The following KLHL3 variants were observed in gnomAD, a reference collection of about 807,000 sequenced individuals.
KLHL3 encodes kelch-like protein 3.
A neutral mutation model predicts 70.5 loss-of-function variants in KLHL3; 19 were observed. That is an observed-to-expected ratio of 0.27 (90% CI 0.19 to 0.40). KLHL3 has a LOEUF of 0.40. Ranked by LOEUF, KLHL3 falls within the 10% of genes least tolerant of loss-of-function variation. The probability of loss-of-function intolerance (pLI) is 1.00; values close to 1 mark genes in which losing one functional copy is unlikely to be tolerated. For missense variants in KLHL3, 512 were observed against 771.1 expected (o/e 0.66, Z 3.98); for synonymous variants, 258 against 290.3 (o/e 0.89, Z 1.13).
chr5:137,701,054 T>A (rs2949464), intron 3 of KLHL3, among the ~76,000 whole-genome samples: 1 of 151,548 alleles, frequency 6.6e-6, no homozygotes, highest in East Asian at 1.9e-4. Flanking sequence ...TTTTTCGAGA[T>A]GGAGTTTTGC....
intron 13 of KLHL3, among the ~76,000 whole-genome samples, chr5:137,627,892 T>C (rs983803817): frequency 6.6e-6 from 1 of 152,216 alleles, no homozygotes; most frequent in Non-Finnish European, 1.5e-5. Context: ...GAAGTTCTCC[T>C]AGCCAGGCAC....
chr5:137,729,177 A>C (rs530870004), intron 1 of KLHL3, among the ~76,000 whole-genome samples: 80 of 152,296 alleles, frequency 5.3e-4, no homozygotes, highest in African/African-American at 1.6e-3. Context: ...CAAGAGGCCC[A>C]AGCACATTAT....
At chr5:137,708,037 G>T (rs1284549787) in intron 3 of KLHL3, among the ~76,000 whole-genome samples, 1 of 151,682 alleles carries the variant, frequency 6.6e-6, no homozygotes, top group Non-Finnish European at 1.5e-5. Context: ...AAGGAAAGGG[G>T]GAAAAAAGGA....
chr5:137,702,106 C>A (rs939401102), intron 3 of KLHL3, among the ~76,000 whole-genome samples: 13 of 152,206 alleles, frequency 8.5e-5, no homozygotes, highest in Non-Finnish European at 1.8e-4. Flanking sequence ...CAGCCCTGCC[C>A]TCATGGAGCT....
At chr5:137,681,033 C>A (rs567720973) in intron 5 of KLHL3, among the ~76,000 whole-genome samples, 1 of 152,204 alleles carries the variant, frequency 6.6e-6, no homozygotes, top group South Asian at 2.1e-4. Flanking sequence ...GTTAAGACAT[C>A]CTTTGGGACT....
At position 137,625,766 on chromosome 5, in the gene KLHL3, C is replaced by T. The variant is rs1439338389; in HGVS notation, c.1722G>A (p.Gly574=). The T allele has an allele frequency of 8.1e-6, 13 of 1,614,176 alleles. No individual in the cohort carries two copies. Among genetic ancestry groups the T allele is most frequent in the South Asian group, 2.2e-5 (2 of 91,080 alleles). The change falls in exon 14 of 15, where the codon GGG becomes GGA. Residue 574 remains glycine (G), a synonymous_variant. Coordinates refer to ENST00000309755, the MANE Select transcript of KLHL3 (RefSeq NM_017415.3). ...GCACACACTGACCTGCATAGCTCCG[C>T]CCCGTGCTCATGTTCGTTGGAAGCA... ...WTLLPTNMST[G]RSYAGVAVIH...
intron 5 of KLHL3, among the ~76,000 whole-genome samples, chr5:137,686,910 C>CA (rs1752180874): frequency 1.7e-5 from 1 of 59,062 alleles, no homozygotes; most frequent in African/African-American, 6.6e-5. Flanking sequence ...TCTGCCCGGC[C>CA]GCCCCTACTG....
rs1038339810 is a variant in KLHL3 at position 137,665,068 on chromosome 5, T to C, written c.637-3037A>G. 6.4e-4 allele frequency among the ~76,000 whole-genome samples: 97 copies of C among 152,268 alleles called. 2 individuals are homozygous for C. Among genetic ancestry groups the C allele is most frequent in the African/African-American group, 2.3e-3 (94 of 41,554 alleles). ...CAATTCTTCCTAAAATATTAATATA[T>C]AACCTGAATCTTACGGTGAGGAAAC... is the stretch of plus-strand genomic sequence containing the variant. On this transcript the variant is annotated intron_variant, in intron 6 of 14. Coordinates refer to ENST00000309755, the MANE Select transcript of KLHL3 (RefSeq NM_017415.3).
At position 137,619,065 on chromosome 5, in the gene KLHL3, A is replaced by C. The variant is rs1267205336; in HGVS notation, c.*3033T>G. The C allele has an allele frequency of 6.5e-6, 1 of 152,758 alleles. No homozygotes were observed. Among genetic ancestry groups the C allele is most frequent in the Middle Eastern group, 3.4e-3 (1 of 294 alleles). The allele number at this position is 152,758 out of a possible 1,614,324, so 9.5% of individuals were successfully genotyped here. On this transcript the variant is annotated 3_prime_UTR_variant, in exon 15 of 15. Coordinates refer to ENST00000309755, the MANE Select transcript of KLHL3 (RefSeq NM_017415.3). The stretch of plus-strand genomic sequence containing the variant: ...TAAAAAGCGATTCAAACTCTTGAAA[A>C]AAATATCTTATAAAAATATCTACGT...
chr5:137,629,345 G>T (rs1750570508), intron 12 of KLHL3: 1 of 152,228 alleles, frequency 6.6e-6, no homozygotes, highest in Non-Finnish European at 1.5e-5. Context: ...TAAAGGGAAA[G>T]AGTTGTACTA....
In KLHL3 at chr5:137,707,508, T is replaced by C. The variant is rs1443082701; in HGVS notation, c.241+2242A>G. 3.3e-5 allele frequency: 5 copies of C among 153,548 alleles called. No homozygotes were observed. The Admixed American group carries it at 3.3e-4, about 10-fold the overall frequency. 9.5% of individuals were successfully genotyped at this position (153,548 alleles called of 1,614,324 possible). On this transcript the variant is annotated intron_variant, in intron 3 of 14. Coordinates refer to ENST00000309755, the MANE Select transcript of KLHL3 (RefSeq NM_017415.3). ...TATATATTTTGTATATGTATACATT[T>C]ATAAATATAAAATCTAAAAAGATAT...
chr5:137,683,805 CACACACACACACACACAT>C (rs1752095765), intron 5 of KLHL3, among the ~76,000 whole-genome samples: 1 of 150,476 alleles, frequency 6.6e-6, no homozygotes, highest in South Asian at 2.1e-4. Context: ...CATGCACGCG[CACACACACACACACACAT>C]ACACACAGCC....
intron 5 of KLHL3, among the ~76,000 whole-genome samples, chr5:137,691,207 A>G (rs1752312731): frequency 6.6e-6 from 1 of 152,242 alleles, no homozygotes. Flanking sequence ...AGAACCATAC[A>G]CTATGCAAGA....
rs979326686 is a variant in KLHL3 at position 137,722,772 on chromosome 5, T to C, written c.15-2188A>G. On this transcript the variant is annotated intron_variant, in intron 1 of 14. Coordinates refer to ENST00000309755, the MANE Select transcript of KLHL3 (RefSeq NM_017415.3). ...ACCTCCGCCTCCTGGGTTCAAGTGA[T>C]TCTCGTGCCTTAGCCTCTCAAGTAG... Among the ~76,000 whole-genome samples, 51 of 152,152 alleles carry C rather than the reference T, an allele frequency of 3.4e-4. 1 individual carries two copies. The highest frequency in any genetic ancestry group is 1.2e-3 in the African/African-American group (49 of 41,420).
At chr5:137,671,474 C>G (rs1039927893) in intron 6 of KLHL3, among the ~76,000 whole-genome samples, 2 of 152,192 alleles carry the variant, frequency 1.3e-5, no homozygotes, top group African/African-American at 4.8e-5. Flanking sequence ...CTACCTGTCA[C>G]TCATCTCTGT....
Position 137,677,611 on chromosome 5 carries a change from G to T in KLHL3, c.570C>A (p.Ser190Arg). The T allele has an allele frequency of 6.2e-7, 1 of 1,609,414 alleles. No individual in the cohort carries two copies. Among genetic ancestry groups the T allele is most frequent in the African/African-American group, 1.3e-5 (1 of 74,508 alleles). ...PEVMLGEEFL[S>R]LSLDQVCSLI... ...AGCTGCACACCTGGTCCAGACTCAG[G>T]CTAAGAAATTCTTCTCCTAGCATCA... Residue 190 changes from serine (S) to arginine (R), a missense_variant, in exon 6 of 15, where the codon AGC becomes AGA. By Grantham distance (110) the Ser-to-Arg change is moderately radical. Transcript: ENST00000309755.
intron 5 of KLHL3, among the ~76,000 whole-genome samples, chr5:137,683,737 T>TTCTC (rs377097204): frequency 2.1e-5 from 3 of 141,434 alleles, no homozygotes; most frequent in African/African-American, 7.9e-5. Context: ...CTCCCTCTCT[T>TTCTC]TCTCTCTCTC....
At position 137,683,038 on chromosome 5, in the gene KLHL3, CTAG is replaced by C. The variant is rs1752072991; in HGVS notation, c.527-5387_527-5385del. Among the ~76,000 whole-genome samples, 7 of 152,108 alleles carry C rather than the reference CTAG, an allele frequency of 4.6e-5. No homozygotes were observed. The South Asian group carries it at 1.5e-3, about 32-fold the overall frequency. On this transcript the variant is annotated intron_variant, in intron 5 of 14. Coordinates refer to ENST00000309755, the MANE Select transcript of KLHL3 (RefSeq NM_017415.3). ...TGTAAAATGCTTAGAATGGTGTTAG[CTAG>C]TATTAGGAAATGGCCTCAACTTTCT...
At chr5:137,679,672 A>C (rs1387393612) in intron 5 of KLHL3, among the ~76,000 whole-genome samples, 1 of 152,186 alleles carries the variant, frequency 6.6e-6, no homozygotes, top group Non-Finnish European at 1.5e-5. Flanking sequence ...CAAGACAAAA[A>C]GTAGTCAGCA....
Sources: gnomAD v4.1 joint callset for allele counts (sites outside exome capture counted in the v4.1 genomes callset) on GRCh38, gnomAD v4.1.1 for gene constraint, MANE v1.5 for transcripts, NCBI Gene and HGNC (gene_info 2026-07-23, HGNC 2026-07-21) for gene names.